Variants in COX7B2 observed in about 807,000 individuals in gnomAD.
COX7B2 encodes cytochrome c oxidase subunit 7B2, mitochondrial.
For synonymous variants in COX7B2, 37 were observed against 32.1 expected (o/e 1.15, Z -0.51); for missense variants, 109 against 95.9 (o/e 1.14, Z -0.57).
chr4:46,830,909 C>T lies in COX7B2; in HGVS notation c.-50+14051G>A, dbSNP rs530282724. On this transcript the variant is annotated intron_variant, in intron 2 of 2. Transcript: ENST00000355591. ...CCTCGCAGCCTTTGCTCGCTCTTGG[C>T]GCCTCCTAGGCGTCGGCGCCCACTC... 2.0e-4 allele frequency among the ~76,000 whole-genome samples: 31 copies of T among 152,324 alleles called. No individual in the cohort carries two copies. The East Asian group carries it at 5.0e-3, about 25-fold the overall frequency.
chr4:46,817,360 G>T (rs1434400173), intron 2 of COX7B2, among the ~76,000 whole-genome samples: 2 of 152,138 alleles, frequency 1.3e-5, no homozygotes, highest in Non-Finnish European at 2.9e-5. Flanking sequence ...AGACATTGAG[G>T]TTTTCAGGAT....
intron 1 of COX7B2, among the ~76,000 whole-genome samples, chr4:46,894,344 C>T (rs1453253579): frequency 2.0e-5 from 3 of 152,100 alleles, no homozygotes; most frequent in African/African-American, 7.2e-5. Flanking sequence ...TGCCCACCTA[C>T]AATCATTTGA....
At chr4:46,831,352 C>A (rs923694757) in intron 2 of COX7B2, among the ~76,000 whole-genome samples, 1 of 152,114 alleles carries the variant, frequency 6.6e-6, no homozygotes, top group African/African-American at 2.4e-5. Flanking sequence ...GGCTCCTGTG[C>A]GGCCCGAGCC....
At chr4:46,849,007 T>C (rs1716482714) in intron 1 of COX7B2, among the ~76,000 whole-genome samples, 1 of 152,046 alleles carries the variant, frequency 6.6e-6, no homozygotes, top group South Asian at 2.1e-4. Flanking sequence ...TGTGACACCA[T>C]TGTTAAGGGA....
At chr4:46,834,079 A>C (rs1352401221) in intron 2 of COX7B2, among the ~76,000 whole-genome samples, 5 of 152,206 alleles carry the variant, frequency 3.3e-5, no homozygotes, top group East Asian at 3.8e-4. Flanking sequence ...GATTTATGTA[A>C]GTTATTTATG....
At chr4:46,791,060 C>T (rs1020176596) in intron 2 of COX7B2, among the ~76,000 whole-genome samples, 3 of 152,122 alleles carry the variant, frequency 2.0e-5, no homozygotes, top group South Asian at 2.1e-4. Context: ...AGTGCAGTGG[C>T]GCGATCTCGG....
chr4:46,893,469 T>C (rs1719564322), intron 1 of COX7B2, among the ~76,000 whole-genome samples: 1 of 152,206 alleles, frequency 6.6e-6, no homozygotes, highest in Non-Finnish European at 1.5e-5. Context: ...CATTTGTTTA[T>C]TCTCTAGACT....
chr4:46,803,465 C>T (rs912645090), intron 2 of COX7B2, among the ~76,000 whole-genome samples: 6 of 151,964 alleles, frequency 3.9e-5, no homozygotes, highest in Admixed American at 3.9e-4. Context: ...AGTTGGCATG[C>T]TTCCCACTTC....
At chr4:46,767,725 A>G (rs1188728942) in intron 2 of COX7B2, among the ~76,000 whole-genome samples, 2 of 152,236 alleles carry the variant, frequency 1.3e-5, no homozygotes, top group Admixed American at 1.3e-4. Flanking sequence ...GTATGTGAAA[A>G]TAAAACATAC....
At chr4:46,884,120 T>TA (rs1718918503) in intron 1 of COX7B2, among the ~76,000 whole-genome samples, 1 of 146,310 alleles carries the variant, frequency 6.8e-6, no homozygotes, top group Middle Eastern at 3.6e-3. Flanking sequence ...AGAACTTCAA[T>TA]AACTAGCCCA....
intron 1 of COX7B2, among the ~76,000 whole-genome samples, chr4:46,871,995 C>T (rs934975903): frequency 6.6e-6 from 1 of 152,152 alleles, no homozygotes; most frequent in African/African-American, 2.4e-5. Context: ...GACTATAAAA[C>T]AGTCTACCAT....
chr4:46,824,628 T>C (rs1714546744), intron 2 of COX7B2, among the ~76,000 whole-genome samples: 1 of 151,104 alleles, frequency 6.6e-6, no homozygotes, highest in East Asian at 1.9e-4. Context: ...CTGAGCCTGC[T>C]TATTATGTGA....
chr4:46,739,039 C>T (rs1436635162), intron 2 of COX7B2, among the ~76,000 whole-genome samples: 6 of 151,990 alleles, frequency 3.9e-5, no homozygotes, highest in Admixed American at 6.6e-5. Context: ...TCACTGGTAA[C>T]GATAATAATT....
At chr4:46,816,350 C>T (rs1719550485) in intron 2 of COX7B2, among the ~76,000 whole-genome samples, 2 of 152,158 alleles carry the variant, frequency 1.3e-5, no homozygotes, top group African/African-American at 4.8e-5. Context: ...AATGACCCCT[C>T]TTAATTCTTT....
At chr4:46,882,272 G>GT (rs1718797108) in intron 1 of COX7B2, among the ~76,000 whole-genome samples, 1 of 152,140 alleles carries the variant, frequency 6.6e-6, no homozygotes, top group Non-Finnish European at 1.5e-5. Flanking sequence ...GTATTCTGTT[G>GT]TTTTTTGGTA....
intron 1 of COX7B2, among the ~76,000 whole-genome samples, chr4:46,861,838 C>T (rs1717351913): frequency 6.6e-6 from 1 of 152,186 alleles, no homozygotes; most frequent in South Asian, 2.1e-4. Context: ...ATTCCCCTTC[C>T]CACAGAGTGT....
At chr4:46,803,643 A>C (rs759947891) in intron 2 of COX7B2, among the ~76,000 whole-genome samples, 1 of 151,852 alleles carries the variant, frequency 6.6e-6, no homozygotes, top group Admixed American at 6.6e-5. Flanking sequence ...TCCTTCTCAG[A>C]TCAGGTGGAC....
intron 1 of COX7B2, among the ~76,000 whole-genome samples, chr4:46,874,619 A>G (rs974007572): frequency 6.6e-6 from 1 of 152,138 alleles, no homozygotes; most frequent in African/African-American, 2.4e-5. Context: ...ATATTTCGAA[A>G]TCAAGTTTAT....
intron 1 of COX7B2, among the ~76,000 whole-genome samples, chr4:46,885,058 C>T (rs949233419): frequency 6.6e-6 from 1 of 151,932 alleles, no homozygotes; most frequent in Admixed American, 6.6e-5. Context: ...GATAAAAATA[C>T]ATCAAACATA....
Sources: gnomAD v4.1 joint callset for allele counts (sites outside exome capture counted in the v4.1 genomes callset) on GRCh38, gnomAD v4.1.1 for gene constraint, MANE v1.5 for transcripts, NCBI Gene and HGNC (gene_info 2026-07-23, HGNC 2026-07-21) for gene names.